CRCP: variants seen among roughly 807,000 people sequenced by gnomAD.
CRCP encodes DNA-directed RNA polymerase III subunit RPC9.
CRCP carries 18 observed loss-of-function variants against 18.5 expected under a neutral mutation model. The ratio of observed to expected loss-of-function variants is 0.97; its 90% CI spans 0.67 to 1.44. The LOEUF is 1.44. Among genes scored for constraint, CRCP ranks in the 40% most tolerant of loss-of-function variants. The pLI is 0.00. For missense variants in CRCP, 130 were observed against 176.4 expected (o/e 0.74, Z 1.49); for synonymous variants, 53 against 62.9 (o/e 0.84, Z 0.75).
intron 3 of CRCP, among the ~76,000 whole-genome samples, chr7:66,131,797 C>T (rs1314503426): frequency 2.7e-5 from 4 of 148,686 alleles, no homozygotes; most frequent in South Asian, 2.1e-4. Flanking sequence ...GACGGATTCT[C>T]GCTCCTGTTG....
Position 66,134,365 on chromosome 7 carries a change from A to C in CRCP, c.230A>C (p.Lys77Thr). 6.2e-7 allele frequency: 1 copy of C among 1,602,008 alleles called. No individual in the cohort carries two copies. Among genetic ancestry groups the C allele is most frequent in the Non-Finnish European group, 8.5e-7 (1 of 1,173,328 alleles). The change falls in exon 4 of 6, where the codon AAG becomes ACG. Residue 77 changes from lysine (K) to threonine (T), a missense_variant. Coordinates refer to ENST00000395326, the MANE Select transcript of CRCP (RefSeq NM_014478.5). ...TTTCTCACAGCATTGAAAAGCCACAAGTTGACCAAGTAAGTAAATCTCTTA... is the reference window on the plus strand; with the variant it reads ...TTTCTCACAGCATTGAAAAGCCACACGTTGACCAAGTAAGTAAATCTCTTA... ...REFLTALKSHKLTKAEKLQLL... is the reference protein window; with the variant it reads ...REFLTALKSHTLTKAEKLQLL...
intron 5 of CRCP, among the ~76,000 whole-genome samples, chr7:66,147,064 G>T (rs542650013): frequency 6.6e-6 from 1 of 152,082 alleles, no homozygotes; most frequent in Admixed American, 6.6e-5. Flanking sequence ...GGGGTGGGCC[G>T]GGCGCGGTGG....
intron 3 of CRCP, among the ~76,000 whole-genome samples, chr7:66,133,418 G>A (rs908504862): frequency 6.6e-6 from 1 of 151,974 alleles, no homozygotes; most frequent in Non-Finnish European, 1.5e-5. Flanking sequence ...TGAAGCAGGA[G>A]AATGGTGTGA....
At position 66,154,211 on chromosome 7, in the gene CRCP, G is replaced by T. The variant is rs1241230258; in HGVS notation, c.*1854G>T. 1.5e-5 allele frequency: 2 copies of T among 133,136 alleles called. No individual in the cohort carries two copies. The highest frequency in any genetic ancestry group is 5.7e-5 in the African/African-American group (2 of 34,868). 8.2% of individuals were successfully genotyped at this position (133,136 alleles called of 1,614,324 possible). On this transcript the variant is annotated 3_prime_UTR_variant, in exon 6 of 6. Coordinates refer to ENST00000395326, the MANE Select transcript of CRCP (RefSeq NM_014478.5). Reference sequence around the variant, plus strand: ...TTTTTTTTTTTTTTGAGACAGTCTCGCTGTGTTGCCCAGGAGTGCAGTGGC... The same window carrying T: ...TTTTTTTTTTTTTTGAGACAGTCTCTCTGTGTTGCCCAGGAGTGCAGTGGC...
At chr7:66,151,292 T>C (rs1002862796) in intron 5 of CRCP, among the ~76,000 whole-genome samples, 1 of 152,158 alleles carries the variant, frequency 6.6e-6, no homozygotes, top group Middle Eastern at 3.2e-3. Context: ...GATGTGTGCC[T>C]GGCACAGTGG....
chr7:66,115,471 A>G (rs2115828654), intron 1 of CRCP, among the ~76,000 whole-genome samples: 1 of 152,196 alleles, frequency 6.6e-6, no homozygotes, highest in Non-Finnish European at 1.5e-5. Flanking sequence ...CTGTGAGGGA[A>G]GGGGCTGGTT....
At chr7:66,117,194 G>T (rs1193678199) in intron 1 of CRCP, among the ~76,000 whole-genome samples, 2 of 149,884 alleles carry the variant, frequency 1.3e-5, no homozygotes, top group Non-Finnish European at 3.0e-5. Flanking sequence ...CAACTTTCTT[G>T]ATCTCTCAGC....
chr7:66,116,748 A>G (rs1337439662), intron 1 of CRCP, among the ~76,000 whole-genome samples: 1 of 152,054 alleles, frequency 6.6e-6, no homozygotes. Flanking sequence ...AACTTCTTGA[A>G]AGTGCTGATT....
chr7:66,128,625 A>C (rs1350791362), intron 2 of CRCP: 2 of 152,084 alleles, frequency 1.3e-5, no homozygotes, highest in African/African-American at 4.8e-5. Flanking sequence ...CCCCATCCCT[A>C]CTTAAAAAAT....
intron 4 of CRCP, among the ~76,000 whole-genome samples, chr7:66,139,473 TTA>T (rs1788070368): frequency 1.3e-5 from 2 of 152,236 alleles, no homozygotes; most frequent in Non-Finnish European, 2.9e-5. Context: ...CATCTGTTGA[TTA>T]TCTTTTCCCT....
chr7:66,147,046 G>A (rs988304279), intron 5 of CRCP, among the ~76,000 whole-genome samples: 1 of 152,144 alleles, frequency 6.6e-6, no homozygotes, highest in Admixed American at 6.6e-5. Context: ...CTGCTATTGA[G>A]AGTGCCTGGG....
chr7:66,122,184 G>A (rs1169950364), intron 1 of CRCP, among the ~76,000 whole-genome samples: 1 of 152,036 alleles, frequency 6.6e-6, no homozygotes, highest in Non-Finnish European at 1.5e-5. Context: ...GACCATCCTG[G>A]CTAACACAGT....
rs77059193 is a variant in CRCP at position 66,130,468 on chromosome 7, A to G, written c.46-276A>G. ...TCTGCTTTCAAATAGTATATTTTTG[A>G]GATCAGATTAGTGATGTACATATTG... On this transcript the variant is annotated intron_variant, in intron 2 of 5. Transcript: ENST00000395326. Among the ~76,000 whole-genome samples the G allele has an allele frequency of 7.0e-3, 1,064 of 152,226 alleles. 18 individuals are homozygous for G. The highest frequency in any genetic ancestry group is 0.04 in the East Asian group (209 of 5,184).
chr7:66,120,648 C>G (rs539652771), intron 1 of CRCP: 1 of 152,034 alleles, frequency 6.6e-6, no homozygotes, highest in Non-Finnish European at 1.5e-5. Flanking sequence ...TTGAACAACA[C>G]GAGCTTGAAC....
chr7:66,122,997 C>T (rs866843677), intron 1 of CRCP, among the ~76,000 whole-genome samples: 1 of 149,518 alleles, frequency 6.7e-6, no homozygotes, highest in Non-Finnish European at 1.5e-5. Flanking sequence ...CTCTGTCGCC[C>T]AGGCTGGAGT....
At chr7:66,152,098 T>G in intron 5 of CRCP, 110 bp from the exon 6 acceptor site, 9 of 1,223,010 alleles carry the variant, frequency 7.4e-6, no homozygotes, top group South Asian at 1.4e-5. Context: ...ACCCAGGCTG[T>G]GAGGTCTGTG....
In CRCP at chr7:66,125,319, T is replaced by TA. The variant is rs950070404; in HGVS notation, c.9-2378dup. 4.0e-5 allele frequency among the ~76,000 whole-genome samples: 6 copies of TA among 149,262 alleles called. 1 individual carries two copies. The highest frequency in any genetic ancestry group is 9.0e-5 in the Non-Finnish European group (6 of 66,758). On this transcript the variant is annotated intron_variant, in intron 1 of 5. Transcript: ENST00000395326. Reference sequence around the variant, plus strand: ...ACTTCTCAAAGATAAAAACTGCCTTTAAAAAAATTCCCCAATACATACAGC... The same window carrying TA: ...ACTTCTCAAAGATAAAAACTGCCTTTAAAAAAAATTCCCCAATACATACAGC...
At chr7:66,117,117 C>CA (rs34224463) in intron 1 of CRCP, among the ~76,000 whole-genome samples, 4,750 of 80,590 alleles carry the variant, frequency 0.059, 128 homozygotes, top group Middle Eastern at 0.091. Flanking sequence ...AAGACTGTCT[C>CA]AAAAAAAAAA....
chr7:66,120,024 T>G (rs1029563580), intron 1 of CRCP, among the ~76,000 whole-genome samples: 3 of 151,640 alleles, frequency 2.0e-5, no homozygotes, highest in Non-Finnish European at 2.9e-5. Flanking sequence ...CTACTAAAAA[T>G]AGAAAAAATT....
Sources: allele counts gnomAD v4.1 joint callset (sites outside exome capture counted in the v4.1 genomes callset), GRCh38; gene constraint gnomAD v4.1.1; transcripts MANE v1.5; gene names NCBI Gene and HGNC (gene_info 2026-07-23, HGNC 2026-07-21).